Variants in SCLT1 observed in about 807,000 individuals in gnomAD.
SCLT1 encodes sodium channel-associated protein 1.
Under a neutral mutation model 112.8 loss-of-function variants are expected in SCLT1, and 78 were observed. The ratio of observed to expected loss-of-function variants is 0.69; its 90% CI spans 0.58 to 0.83. The LOEUF (loss-of-function observed/expected upper bound fraction) is 0.83. SCLT1 is among the 40% of genes least tolerant of loss of function. The pLI, the probability that SCLT1 is intolerant of heterozygous loss-of-function variation, is 0.00. For synonymous variants in SCLT1, 257 were observed against 254.7 expected, an observed-to-expected ratio of 1.01 and a Z score of -0.09; for missense variants, 747 against 770.4, an observed-to-expected ratio of 0.97 and a Z score of 0.36.
intron 1 of SCLT1, 82 bp downstream of exon 1, chr4:129,092,988 C>T: frequency 1.9e-6 from 2 of 1,026,742 alleles, no homozygotes; most frequent in Admixed American, 3.4e-5. Flanking sequence ...ATGTACCCAA[C>T]CAGCATTCAA....
chr4:128,920,448 C>G (rs567641304), intron 18 of SCLT1, among the ~76,000 whole-genome samples: 8 of 152,160 alleles, frequency 5.3e-5, no homozygotes, highest in Non-Finnish European at 7.4e-5. Flanking sequence ...CACGCCACCA[C>G]GCCCAGCTAA....
In SCLT1 at chr4:129,003,202, C is replaced by T. The variant is rs141191950; in HGVS notation, c.426+539G>A. 5.9e-3 allele frequency among the ~76,000 whole-genome samples: 899 copies of T among 152,142 alleles called. 8 individuals are homozygous for T. The highest frequency in any genetic ancestry group is 0.019 in the African/African-American group (780 of 41,534). On this transcript the variant is annotated intron_variant, in intron 6 of 20. Coordinates refer to ENST00000281142, the MANE Select transcript of SCLT1 (RefSeq NM_144643.4). ...CACAGGAACAGAAAACCAAACACTG[C>T]ATGTTCTCACTCATAAGTGGGAGTT... is the stretch of plus-strand genomic sequence containing the variant.
chr4:128,876,830 G>C (rs1560793815), intron 3 of SCLT1, among the ~76,000 whole-genome samples: 1 of 152,174 alleles, frequency 6.6e-6, no homozygotes, highest in Non-Finnish European at 1.5e-5. Flanking sequence ...TCTATATCCT[G>C]TTTTAGAGAA....
chr4:129,014,617 C>T (rs930965154), intron 5 of SCLT1, among the ~76,000 whole-genome samples: 13 of 152,192 alleles, frequency 8.5e-5, no homozygotes, highest in Non-Finnish European at 2.9e-5. Context: ...TATGCTCTAA[C>T]CCTGGGGATT....
chr4:129,074,626 CTAAA>C (rs112053352), intron 2 of SCLT1, among the ~76,000 whole-genome samples: 12 of 152,200 alleles, frequency 7.9e-5, no homozygotes, highest in African/African-American at 2.6e-4. Context: ...AAAAGCTATA[CTAAA>C]TAAAGGAATA....
intron 9 of SCLT1, among the ~76,000 whole-genome samples, chr4:128,973,992 A>G (rs1211879493): frequency 1.3e-5 from 2 of 152,186 alleles, no homozygotes; most frequent in African/African-American, 4.8e-5. Context: ...CCAACACAAA[A>G]GGTATGTGAA....
intron 5 of SCLT1, among the ~76,000 whole-genome samples, chr4:129,019,002 C>T (rs1579719424): frequency 6.6e-6 from 1 of 152,024 alleles, no homozygotes; most frequent in East Asian, 1.9e-4. Context: ...ACATAAATAG[C>T]TATGCTTTTA....
chr4:129,043,584 A>G (rs906764695), intron 3 of SCLT1, 117 bp from the exon 4 acceptor site: 5 of 577,286 alleles, frequency 8.7e-6, no homozygotes, highest in Non-Finnish European at 1.2e-5. Flanking sequence ...TGCAATAAAA[A>G]CTTTTCCCTT....
chr4:128,884,594 G>C, intron 20 of SCLT1, 55 bp from the exon 21 acceptor site: 1 of 1,115,950 alleles, frequency 9.0e-7, no homozygotes, highest in Non-Finnish European at 1.4e-6. Flanking sequence ...GAAAATCTTA[G>C]ATTAATACAA....
At chr4:128,892,061 T>C (rs1291490102) in intron 18 of SCLT1, among the ~76,000 whole-genome samples, 1 of 152,210 alleles carries the variant, frequency 6.6e-6, no homozygotes, top group Non-Finnish European at 1.5e-5. Context: ...TTAGAATTCT[T>C]ATTTATGTTT....
chr4:128,890,414 T>A (rs1733217550), intron 19 of SCLT1, among the ~76,000 whole-genome samples: 1 of 152,172 alleles, frequency 6.6e-6, no homozygotes, highest in Non-Finnish European at 1.5e-5. Flanking sequence ...CTCAATTAAC[T>A]TCTAAATGGC....
At chr4:128,890,105 C>T (rs901404974) in intron 19 of SCLT1, among the ~76,000 whole-genome samples, 25 of 151,968 alleles carry the variant, frequency 1.6e-4, no homozygotes, top group African/African-American at 4.1e-4. Flanking sequence ...CTAGAGAAAA[C>T]GGGGGAAAAA....
chr4:128,999,496 G>A (rs985966356), intron 7 of SCLT1, among the ~76,000 whole-genome samples, 176 bp downstream of exon 7: 2 of 151,806 alleles, frequency 1.3e-5, no homozygotes, highest in Admixed American at 1.3e-4. Flanking sequence ...TCTCTAATTA[G>A]TTTACCTGTT....
chr4:129,070,405 G>A (rs1305572731), intron 2 of SCLT1, among the ~76,000 whole-genome samples: 1 of 151,442 alleles, frequency 6.6e-6, no homozygotes, highest in Admixed American at 6.6e-5. Context: ...TTTTTTGTTG[G>A]TAATTTTCTA....
At chr4:128,965,757 ACTTT>A (rs1225587822) in intron 10 of SCLT1, among the ~76,000 whole-genome samples, 1 of 151,770 alleles carries the variant, frequency 6.6e-6, no homozygotes, top group East Asian at 1.9e-4. Context: ...ATTTGTATCA[ACTTT>A]CTAAGGAAAT....
downstream of SCLT1, among the ~76,000 whole-genome samples, chr4:128,881,517 T>C (rs1398531232): frequency 1.3e-5 from 2 of 152,180 alleles, no homozygotes; most frequent in Admixed American, 6.5e-5. Flanking sequence ...TAGAAGATTG[T>C]TGCCTGCCCT....
intron 10 of SCLT1, among the ~76,000 whole-genome samples, chr4:128,969,164 C>G (rs1056108392): frequency 6.6e-6 from 1 of 152,196 alleles, no homozygotes; most frequent in Non-Finnish European, 1.5e-5. Flanking sequence ...GTCCCTCCCC[C>G]ACTTCCATAT....
At chr4:129,055,571 G>A (rs1402997532) in intron 2 of SCLT1, among the ~76,000 whole-genome samples, 1 of 152,150 alleles carries the variant, frequency 6.6e-6, no homozygotes, top group Non-Finnish European at 1.5e-5. Context: ...CTCCTTAGCA[G>A]TGACGGGAAA....
chr4:128,952,859 A>G lies in SCLT1; in HGVS notation c.1147-19T>C. 8.3e-7 allele frequency: 1 copy of G among 1,207,358 alleles called. No individual in the cohort carries two copies. Among genetic ancestry groups the G allele is most frequent in the African/African-American group, 1.5e-5 (1 of 66,952 alleles). The allele number at this position is 1,207,358 out of a possible 1,614,324, so 74.8% of individuals were successfully genotyped here. ...TTGCAACCTGTAAATTAAGACATTT[A>G]CTCATTATTTGGTTCTAGAATAAAA... On this transcript the variant is annotated intron_variant, in intron 13 of 20. Transcript: ENST00000281142.
Sources: allele counts gnomAD v4.1 joint callset (sites outside exome capture counted in the v4.1 genomes callset), GRCh38; gene constraint gnomAD v4.1.1; transcripts MANE v1.5; gene names NCBI Gene and HGNC (gene_info 2026-07-23, HGNC 2026-07-21).